Variants in NTM observed in about 807,000 individuals in gnomAD.
NTM encodes neurotrimin.
Under a neutral mutation model 42.1 loss-of-function variants are expected in NTM, and 13 were observed. That is an observed-to-expected ratio of 0.31 (90% CI 0.20 to 0.49). The LOEUF (loss-of-function observed/expected upper bound fraction) is 0.49, where lower values mean the gene tolerates loss of function less well. Ranked by LOEUF, NTM falls within the 20% of genes least tolerant of loss-of-function variation. The pLI is 0.99. For missense variants in NTM, 373 were observed against 452.8 expected, an observed-to-expected ratio of 0.82 and a Z score of 1.60; for synonymous variants, 187 against 179.2, an observed-to-expected ratio of 1.04 and a Z score of -0.35.
intron 1 of NTM, among the ~76,000 whole-genome samples, chr11:131,564,793 C>T (rs776308187): frequency 2.0e-5 from 3 of 152,192 alleles, no homozygotes; most frequent in Non-Finnish European, 4.4e-5. Flanking sequence ...CTTCTTCAGA[C>T]GTTGCTCCCT....
intron 1 of NTM, among the ~76,000 whole-genome samples, chr11:131,884,065 A>G (rs1467779996): frequency 6.6e-6 from 1 of 152,220 alleles, no homozygotes; most frequent in African/African-American, 2.4e-5. Context: ...TAATCTGTAC[A>G]GCAACCCTAC....
chr11:131,567,116 A>C (rs931312033), intron 1 of NTM, among the ~76,000 whole-genome samples: 2 of 152,050 alleles, frequency 1.3e-5, no homozygotes, highest in Non-Finnish European at 2.9e-5. Context: ...CCTAAGGAAC[A>C]TGTCTTTTCC....
chr11:131,389,263 C>T (rs866892746), intron 1 of NTM, among the ~76,000 whole-genome samples: 8 of 152,256 alleles, frequency 5.3e-5, no homozygotes, highest in Middle Eastern at 6.8e-3. Flanking sequence ...TGACAGGATG[C>T]CACCTCAGAG....
chr11:132,255,291 T>G (rs898320391), intron 4 of NTM, among the ~76,000 whole-genome samples: 1 of 152,244 alleles, frequency 6.6e-6, no homozygotes, highest in Admixed American at 6.5e-5. Flanking sequence ...TCTTTTAGTC[T>G]TCTTTCACTG....
chr11:131,530,042 G>A (rs2051032121), intron 1 of NTM, among the ~76,000 whole-genome samples: 1 of 152,102 alleles, frequency 6.6e-6, no homozygotes, highest in Admixed American at 6.5e-5. Context: ...CTCCCCATTG[G>A]ATGCATCTGA....
chr11:131,629,400 C>T (rs1287655152), intron 1 of NTM, among the ~76,000 whole-genome samples: 1 of 152,204 alleles, frequency 6.6e-6, no homozygotes, highest in Non-Finnish European at 1.5e-5. Context: ...TCCCAGCTTG[C>T]ATGGCTGCTC....
chr11:132,317,447 TCAATATGGAAA>T (rs2136212140), intron 7 of NTM, among the ~76,000 whole-genome samples: 1 of 152,242 alleles, frequency 6.6e-6, no homozygotes, highest in East Asian at 1.9e-4. Context: ...GTCACGGCAT[TCAATATGGAAA>T]CATAAAGCAT....
intron 1 of NTM, among the ~76,000 whole-genome samples, chr11:131,489,290 G>A (rs1954518129): frequency 6.6e-6 from 1 of 152,058 alleles, no homozygotes; most frequent in African/African-American, 2.4e-5. Flanking sequence ...TTTCCCCGTA[G>A]AAAGCTTGTG....
At chr11:131,969,943 G>C (rs1363753900) in intron 2 of NTM, among the ~76,000 whole-genome samples, 1 of 152,206 alleles carries the variant, frequency 6.6e-6, no homozygotes, top group East Asian at 1.9e-4. Context: ...AGGCTGCAGA[G>C]TAGCAGGGAC....
intron 1 of NTM, among the ~76,000 whole-genome samples, chr11:131,558,582 T>C (rs1214311460): frequency 1.3e-5 from 2 of 152,216 alleles, no homozygotes. Flanking sequence ...GCATTCTATA[T>C]TAAAACAGCT....
intron 4 of NTM, among the ~76,000 whole-genome samples, chr11:132,257,329 A>G (rs1158953190): frequency 6.6e-6 from 1 of 152,208 alleles, no homozygotes; most frequent in Non-Finnish European, 1.5e-5. Context: ...AAGCTTTGAC[A>G]CTATCCTGAA....
chr11:131,683,561 G>C (rs2073342413), intron 1 of NTM, among the ~76,000 whole-genome samples: 1 of 152,224 alleles, frequency 6.6e-6, no homozygotes, highest in Non-Finnish European at 1.5e-5. Context: ...TGGGTTTGTA[G>C]TTGCAGAAAT....
At chr11:131,750,842 C>G (rs1222228893) in intron 1 of NTM, among the ~76,000 whole-genome samples, 1 of 152,136 alleles carries the variant, frequency 6.6e-6, no homozygotes, top group African/African-American at 2.4e-5. Context: ...TAAGCGCTTC[C>G]CAGGCCTTGT....
intron 1 of NTM, among the ~76,000 whole-genome samples, chr11:131,830,418 T>C (rs775310983): frequency 1.3e-4 from 20 of 152,194 alleles, no homozygotes; most frequent in Non-Finnish European, 2.8e-4. Context: ...GATTTATTAA[T>C]AGTGAGTCCT....
intron 2 of NTM, among the ~76,000 whole-genome samples, chr11:132,070,620 A>G (rs1270949893): frequency 7.6e-6 from 1 of 130,838 alleles, no homozygotes; most frequent in Non-Finnish European, 1.7e-5. Flanking sequence ...TTAACACATC[A>G]CACAGCCAAA....
At chr11:131,390,884 G>A (rs1943913632) in intron 1 of NTM, among the ~76,000 whole-genome samples, 1 of 152,138 alleles carries the variant, frequency 6.6e-6, no homozygotes, top group Non-Finnish European at 1.5e-5. Context: ...ACTTCAGTTT[G>A]AGAACCACCA....
At chr11:131,429,563 A>G (rs1213588939) in intron 1 of NTM, among the ~76,000 whole-genome samples, 1 of 152,240 alleles carries the variant, frequency 6.6e-6, no homozygotes, top group Non-Finnish European at 1.5e-5. Context: ...CACACAAATA[A>G]ATAGCTGTTT....
chr11:131,917,652 G>C (rs1202683022), intron 2 of NTM, among the ~76,000 whole-genome samples: 1 of 152,144 alleles, frequency 6.6e-6, no homozygotes, highest in Non-Finnish European at 1.5e-5. Context: ...TGGTTGTGGT[G>C]GTATAACTAT....
rs532818089 is a variant in NTM, at chr11:132,146,581, G to A, written c.400+67G>A. ...CTGGAAAGCCTTCAGGTAAAGGTTT[G>A]TTCTCTGATCCTCAACAGAGATGAG... On this transcript the variant is annotated intron_variant, in intron 3 of 8. Transcript: ENST00000683400. The surrounding 1 kb of genome is among the most constrained non-coding windows in gnomAD (Gnocchi z 4.5). 7 of 1,523,762 alleles carry A rather than the reference G, an allele frequency of 4.6e-6. No homozygotes were observed. In the African/African-American group the frequency reaches 6.9e-5, roughly 15 times the overall value. The allele number at this position is 1,523,762 out of a possible 1,614,324, so 94.4% of individuals were successfully genotyped here. A position where few individuals can be genotyped will look rare whatever the true frequency, so the allele number is the denominator to read the frequency against.
Sources: gnomAD v4.1 joint callset for allele counts (sites outside exome capture counted in the v4.1 genomes callset) on GRCh38, gnomAD v4.1.1 for gene constraint, Gnocchi (gnomAD v3.1) non-coding constraint, MANE v1.5 for transcripts, NCBI Gene and HGNC (gene_info 2026-07-23, HGNC 2026-07-21) for gene names.